SBF2: variants seen among roughly 807,000 people sequenced by gnomAD.
SBF2 encodes SET binding factor 2, also known as myotubularin-related protein 13.
A neutral mutation model predicts 225.2 loss-of-function variants in SBF2; 112 were observed. The ratio of observed to expected loss-of-function variants is 0.50; its 90% CI spans 0.43 to 0.58. The LOEUF (loss-of-function observed/expected upper bound fraction) is 0.58, where lower values mean the gene tolerates loss of function less well. SBF2 is among the 20% of genes least tolerant of loss of function. SBF2 has a pLI of 0.00. For synonymous variants in SBF2, 763 were observed against 773.3 expected, an observed-to-expected ratio of 0.99 and a Z score of 0.22; for missense variants, 1,996 against 2,206.2, an observed-to-expected ratio of 0.90 and a Z score of 1.91.
At chr11:10,176,426 A>G (rs2135268739) in intron 2 of SBF2, among the ~76,000 whole-genome samples, 1 of 152,074 alleles carries the variant, frequency 6.6e-6, no homozygotes, top group Non-Finnish European at 1.5e-5. Flanking sequence ...AGGATCAACA[A>G]AATTGATAGA....
intron 32 of SBF2, among the ~76,000 whole-genome samples, chr11:9,805,826 G>C (rs531323604): frequency 9.9e-5 from 15 of 152,272 alleles, no homozygotes; most frequent in African/African-American, 2.9e-4. Context: ...GTTTCACCAT[G>C]TTGGCCAGGA....
intron 16 of SBF2, among the ~76,000 whole-genome samples, chr11:9,909,048 C>T (rs559762948): frequency 3.3e-5 from 5 of 151,968 alleles, no homozygotes; most frequent in African/African-American, 1.2e-4. Context: ...AGTCATAAGG[C>T]CTTTTGAGGG....
At chr11:9,886,577 C>T (rs1440023928) in intron 17 of SBF2, among the ~76,000 whole-genome samples, 5 of 150,950 alleles carry the variant, frequency 3.3e-5, no homozygotes, top group African/African-American at 4.8e-5. Context: ...ATTAGGAAAT[C>T]TTTAAAAAGT....
chr11:10,037,412 T>C (rs1012353716), intron 3 of SBF2, among the ~76,000 whole-genome samples: 6 of 152,142 alleles, frequency 3.9e-5, no homozygotes, highest in African/African-American at 9.6e-5. Flanking sequence ...AAGTGTAAAG[T>C]TGATTACAAT....
chr11:10,230,109 T>C (rs955071580), intron 1 of SBF2, among the ~76,000 whole-genome samples: 3 of 152,204 alleles, frequency 2.0e-5, no homozygotes, highest in African/African-American at 7.2e-5. Flanking sequence ...GTTTAAAGTC[T>C]GTTTTATCAG....
chr11:9,833,323 G>C (rs1395738919), intron 26 of SBF2, among the ~76,000 whole-genome samples: 2 of 151,902 alleles, frequency 1.3e-5, no homozygotes, highest in South Asian at 2.1e-4. Flanking sequence ...GCAGGTTTCA[G>C]AGTCATTTCT....
intron 21 of SBF2, among the ~76,000 whole-genome samples, 177 bp from the exon 22 acceptor site, chr11:9,850,395 A>G (rs369483116): frequency 6.6e-6 from 1 of 152,144 alleles, no homozygotes; most frequent in South Asian, 2.1e-4. Flanking sequence ...AGCTGAGACT[A>G]CAGGCATGCA....
intron 13 of SBF2, among the ~76,000 whole-genome samples, chr11:9,987,070 A>G (rs1473855515): frequency 6.6e-6 from 1 of 152,216 alleles, no homozygotes; most frequent in East Asian, 1.9e-4. Flanking sequence ...TCAGAAAGAT[A>G]ATCCACCATG....
At chr11:10,040,878 CAT>C in intron 3 of SBF2, among the ~76,000 whole-genome samples, 1 of 152,082 alleles carries the variant, frequency 6.6e-6, no homozygotes, top group East Asian at 1.9e-4. Flanking sequence ...AGGCTATATA[CAT>C]GTTTGCATTA....
intron 1 of SBF2, among the ~76,000 whole-genome samples, chr11:10,227,955 A>G (rs894435695): frequency 6.6e-6 from 1 of 151,592 alleles, no homozygotes; most frequent in African/African-American, 2.4e-5. Context: ...ACCCATGAGC[A>G]TGGAATGTTC....
At chr11:10,246,785 A>G (rs1051208519) in intron 1 of SBF2, among the ~76,000 whole-genome samples, 11 of 152,374 alleles carry the variant, frequency 7.2e-5, no homozygotes, top group African/African-American at 2.6e-4. Context: ...TAAGAAAGAA[A>G]TAACACTGGC....
chr11:10,085,923 T>G (rs1223010780), intron 2 of SBF2, among the ~76,000 whole-genome samples: 17 of 151,790 alleles, frequency 1.1e-4, no homozygotes, highest in Non-Finnish European at 1.3e-4. Flanking sequence ...GATACTTTGG[T>G]TCCGTTTCTA....
At chr11:10,304,659 C>CCCAGGT (rs1964632064) in exon 1 of SBF2, 1 of 152,308 alleles carries the variant, frequency 6.6e-6, no homozygotes, top group African/African-American at 2.4e-5. Flanking sequence ...GCCACAGCTC[C>CCCAGGT]CCAGGTCCAG....
chr11:10,230,149 T>G (rs1375995374), intron 1 of SBF2, among the ~76,000 whole-genome samples: 1 of 152,222 alleles, frequency 6.6e-6, no homozygotes, highest in East Asian at 1.9e-4. Flanking sequence ...TGCCTTTTTT[T>G]GTTTTCCGTT....
rs569310415 is a variant in SBF2, at chr11:10,090,450, T to C, written c.142-47469A>G. Reference sequence around the variant, plus strand: ...CATGTCCATCTTATAGATATAACTTTACCGTGAAAAATAAGCACATAAAAC... The same window carrying C: ...CATGTCCATCTTATAGATATAACTTCACCGTGAAAAATAAGCACATAAAAC... On this transcript the variant is annotated intron_variant, in intron 2 of 39. Transcript: ENST00000256190. Among the ~76,000 whole-genome samples the C allele has an allele frequency of 3.3e-5, 5 of 152,282 alleles. No homozygotes were observed. The South Asian group carries it at 8.3e-4, about 25-fold the overall frequency.
At chr11:9,851,135 CAAA>C (rs773210379) in intron 21 of SBF2, among the ~76,000 whole-genome samples, 1 of 72,510 alleles carries the variant, frequency 1.4e-5, no homozygotes, top group African/African-American at 4.8e-5. Flanking sequence ...GACTCCATCT[CAAA>C]AAAAAAAAAA....
At chr11:9,906,486 A>T (rs1373121090) in intron 16 of SBF2, among the ~76,000 whole-genome samples, 1 of 152,220 alleles carries the variant, frequency 6.6e-6, no homozygotes, top group African/African-American at 2.4e-5. Flanking sequence ...TTATCTTACA[A>T]AATGTTTACT....
At chr11:10,164,097 G>T (rs572865386) in intron 2 of SBF2, among the ~76,000 whole-genome samples, 1 of 152,180 alleles carries the variant, frequency 6.6e-6, no homozygotes, top group Admixed American at 6.5e-5. Context: ...TATTCAATTA[G>T]TCATCCAACC....
intron 24 of SBF2, 88 bp downstream of exon 24, chr11:9,845,477 C>G: frequency 8.2e-7 from 1 of 1,215,378 alleles, no homozygotes; most frequent in East Asian, 2.4e-5. Context: ...AAACAGCAAT[C>G]GCTTACACCT....
Sources: gnomAD v4.1 joint callset for allele counts (sites outside exome capture counted in the v4.1 genomes callset) on GRCh38, gnomAD v4.1.1 for gene constraint, MANE v1.5 for transcripts, NCBI Gene and HGNC (gene_info 2026-07-23, HGNC 2026-07-21) for gene names.